Variants in CTNNA3 observed in about 807,000 individuals in gnomAD.
CTNNA3 encodes catenin alpha 3, also known as catenin alpha-3.
In CTNNA3, 76 loss-of-function variants were observed where a neutral mutation model predicts 95.7. That is an observed-to-expected ratio of 0.79 (90% CI 0.66 to 0.96). CTNNA3 has a LOEUF of 0.96. CTNNA3 is among the 40% of genes least tolerant of loss of function. The probability of loss-of-function intolerance (pLI) is 0.00; values close to 1 mark genes in which losing one functional copy is unlikely to be tolerated. For synonymous variants in CTNNA3, 431 were observed against 374.4 expected (o/e 1.15, Z -1.74); for missense variants, 1,191 against 1,089.8 (o/e 1.09, Z -1.31).
intron 5 of CTNNA3, among the ~76,000 whole-genome samples, chr10:67,222,464 G>C (rs867374053): frequency 6.6e-6 from 1 of 152,168 alleles, no homozygotes; most frequent in Non-Finnish European, 1.5e-5. Flanking sequence ...TGAGTACATA[G>C]CACATCAGAA....
intron 7 of CTNNA3, among the ~76,000 whole-genome samples, chr10:67,130,776 C>T (rs1237199365): frequency 6.6e-6 from 1 of 152,024 alleles, no homozygotes; most frequent in African/African-American, 2.4e-5. Context: ...GGAACCTGTC[C>T]CACAGCAGAA....
At chr10:66,071,603 A>G (rs1212881190) in intron 14 of CTNNA3, among the ~76,000 whole-genome samples, 6 of 152,150 alleles carry the variant, frequency 3.9e-5, no homozygotes, top group Non-Finnish European at 5.9e-5. Flanking sequence ...ATACCAATAT[A>G]TACACATTCT....
At chr10:66,314,756 T>C (rs1479227760) in intron 12 of CTNNA3, among the ~76,000 whole-genome samples, 1 of 152,090 alleles carries the variant, frequency 6.6e-6, no homozygotes, top group Non-Finnish European at 1.5e-5. Flanking sequence ...TCAAACTGTC[T>C]TTTACAAGAT....
chr10:66,831,165 A>G (rs1842708283), intron 7 of CTNNA3, among the ~76,000 whole-genome samples: 1 of 152,064 alleles, frequency 6.6e-6, no homozygotes, highest in African/African-American at 2.4e-5. Context: ...TAAGTCTCTA[A>G]TCTGCAGGAA....
intron 5 of CTNNA3, among the ~76,000 whole-genome samples, chr10:67,483,146 G>A (rs989253780): frequency 2.0e-5 from 3 of 151,742 alleles, no homozygotes; most frequent in Non-Finnish European, 4.4e-5. Context: ...TGGAGAAATA[G>A]GAACACTTTT....
intron 7 of CTNNA3, among the ~76,000 whole-genome samples, chr10:67,039,107 AATAC>A (rs1464619911): frequency 1.3e-5 from 2 of 152,058 alleles, no homozygotes; most frequent in Non-Finnish European, 2.9e-5. Flanking sequence ...GCTCTATAAT[AATAC>A]ATGAACAAAT....
At chr10:67,275,371 A>C (rs1457909501) in intron 5 of CTNNA3, among the ~76,000 whole-genome samples, 1 of 152,192 alleles carries the variant, frequency 6.6e-6, no homozygotes, top group Non-Finnish European at 1.5e-5. Context: ...ATTAGGATCA[A>C]AGAAAATGTC....
chr10:67,339,224 T>C (rs1458622649), intron 5 of CTNNA3, among the ~76,000 whole-genome samples: 1 of 152,198 alleles, frequency 6.6e-6, no homozygotes, highest in Non-Finnish European at 1.5e-5. Flanking sequence ...ATCTTGTCCT[T>C]ATTAAGACTA....
At chr10:66,661,895 T>C (rs553948430) in intron 9 of CTNNA3, among the ~76,000 whole-genome samples, 1 of 152,254 alleles carries the variant, frequency 6.6e-6, no homozygotes, top group South Asian at 2.1e-4. Context: ...TGTTAAACAG[T>C]CGAATCAACG....
At chr10:66,746,867 G>A (rs1162088565) in intron 9 of CTNNA3, among the ~76,000 whole-genome samples, 2 of 29,734 alleles carry the variant, frequency 6.7e-5, no homozygotes, top group African/African-American at 2.4e-4. Flanking sequence ...TGCAGTGTGT[G>A]TGTGTGTGTG....
chr10:67,695,498 T>C (rs143958466), intron 1 of CTNNA3, among the ~76,000 whole-genome samples: 7 of 152,338 alleles, frequency 4.6e-5, no homozygotes, highest in African/African-American at 1.2e-4. Flanking sequence ...AACCTCTTAA[T>C]ATTCCTTCCA....
chr10:66,516,814 C>A (rs1564505552), intron 11 of CTNNA3, among the ~76,000 whole-genome samples: 1 of 152,182 alleles, frequency 6.6e-6, no homozygotes, highest in East Asian at 1.9e-4. Context: ...GTTAAAGCTG[C>A]AAGCCAGCTT....
intron 5 of CTNNA3, among the ~76,000 whole-genome samples, chr10:67,257,725 G>A (rs923116070): frequency 2.6e-5 from 4 of 151,928 alleles, no homozygotes; most frequent in African/African-American, 9.7e-5. Context: ...TGACAAGTTG[G>A]ATAAGAAAAA....
At chr10:67,451,319 G>A (rs1846973789) in intron 5 of CTNNA3, among the ~76,000 whole-genome samples, 1 of 151,658 alleles carries the variant, frequency 6.6e-6, no homozygotes, top group African/African-American at 2.4e-5. Flanking sequence ...TATAGCAGGA[G>A]AAAACAGACT....
At chr10:66,235,550 ACCTAATG>A in intron 13 of CTNNA3, among the ~76,000 whole-genome samples, 1 of 152,048 alleles carries the variant, frequency 6.6e-6, no homozygotes, top group Non-Finnish European at 1.5e-5. Context: ...TCTCAAAGCT[ACCTAATG>A]CCTTCTTTAA....
chr10:66,610,654 G>A (rs889636614), intron 10 of CTNNA3, among the ~76,000 whole-genome samples: 2 of 152,100 alleles, frequency 1.3e-5, no homozygotes, highest in Non-Finnish European at 2.9e-5. Context: ...GTGGAGAAAG[G>A]GGAATGCTCA....
At chr10:66,645,422 G>T (rs1845673494) in intron 9 of CTNNA3, among the ~76,000 whole-genome samples, 1 of 152,078 alleles carries the variant, frequency 6.6e-6, no homozygotes, top group Non-Finnish European at 1.5e-5. Flanking sequence ...TCATTTTGCT[G>T]CCTATAGGTG....
intron 10 of CTNNA3, among the ~76,000 whole-genome samples, chr10:66,552,618 C>T (rs1417737345): frequency 4.6e-5 from 7 of 152,066 alleles, no homozygotes; most frequent in Non-Finnish European, 1.0e-4. Flanking sequence ...CTGCTATTTT[C>T]TAATGGTTCT....
intron 12 of CTNNA3, among the ~76,000 whole-genome samples, chr10:66,315,698 T>G (rs955027751): frequency 2.0e-5 from 3 of 152,088 alleles, no homozygotes; most frequent in African/African-American, 7.2e-5. Context: ...GGCAATATGT[T>G]AAAAATTTCT....
Sources: allele counts gnomAD v4.1 joint callset (sites outside exome capture counted in the v4.1 genomes callset), GRCh38; gene constraint gnomAD v4.1.1; transcripts MANE v1.5; gene names NCBI Gene and HGNC (gene_info 2026-07-23, HGNC 2026-07-21).